Variants in TTC27 observed in about 807,000 individuals in gnomAD.
The protein encoded by TTC27 is tetratricopeptide repeat domain 27.
In TTC27, 79 loss-of-function variants were observed where a neutral mutation model predicts 115.9. The ratio of observed to expected loss-of-function variants is 0.68; its 90% CI spans 0.57 to 0.82. TTC27 has a LOEUF of 0.82. TTC27 is among the 40% of genes least tolerant of loss of function. The pLI is 0.00. For missense variants in TTC27, 1,054 were observed against 993.1 expected (o/e 1.06, Z -0.82); for synonymous variants, 401 against 356.0 (o/e 1.13, Z -1.42).
chr2:32,767,510 G>A (rs565719944), intron 13 of TTC27, among the ~76,000 whole-genome samples: 132 of 134,028 alleles, frequency 9.8e-4, no homozygotes, highest in African/African-American at 3.5e-3. Flanking sequence ...CAAGGACTGC[G>A]GACTGCAGTG....
Position 32,812,620 on chromosome 2 carries a change from T to A in TTC27, c.2308+5T>A, listed in dbSNP as rs767847595. ...GAGCCTTAGGACTTGCACATGGTAT[T>A]TGATGTAACATTTGATATCCATGGA... On this transcript the variant is annotated splice_donor_5th_base_variant and intron_variant, in intron 18 of 19. Transcript: ENST00000317907. 6.3e-7 allele frequency: 1 copy of A among 1,596,744 alleles called. No homozygotes were observed. The highest frequency in any genetic ancestry group is 1.7e-5 in the Admixed American group (1 of 59,966).
At chr2:32,809,328 C>T (rs1182573488) in intron 16 of TTC27, among the ~76,000 whole-genome samples, 1 of 152,180 alleles carries the variant, frequency 6.6e-6, no homozygotes, top group Non-Finnish European at 1.5e-5. Flanking sequence ...TTGCAATATG[C>T]CAGGCACTAT....
At chr2:32,744,436 A>C (rs1417649205) in intron 12 of TTC27, among the ~76,000 whole-genome samples, 1 of 152,208 alleles carries the variant, frequency 6.6e-6, no homozygotes, top group Non-Finnish European at 1.5e-5. Context: ...TAATGTTGAC[A>C]ACAGCAATTT....
At chr2:32,687,235 G>T (rs928124761) in intron 9 of TTC27, among the ~76,000 whole-genome samples, 1 of 152,172 alleles carries the variant, frequency 6.6e-6, no homozygotes, top group Non-Finnish European at 1.5e-5. Context: ...TTATGTGAAG[G>T]ATTACTCTAT....
intron 3 of TTC27, among the ~76,000 whole-genome samples, chr2:32,637,992 A>T (rs1224385172): frequency 1.3e-5 from 2 of 152,220 alleles, no homozygotes; most frequent in South Asian, 2.1e-4. Context: ...GAGGCTCTCC[A>T]AATGCTTAGC....
At chr2:32,752,446 C>G (rs1389674651) in intron 12 of TTC27, among the ~76,000 whole-genome samples, 2 of 152,152 alleles carry the variant, frequency 1.3e-5, no homozygotes, top group African/African-American at 4.8e-5. Flanking sequence ...TTTAGTCAAG[C>G]AGTTGAGCAA....
intron 5 of TTC27, among the ~76,000 whole-genome samples, chr2:32,663,319 A>C (rs919449951): frequency 6.6e-6 from 1 of 152,162 alleles, no homozygotes; most frequent in South Asian, 2.1e-4. Flanking sequence ...ACCCGAGGGA[A>C]TCTCCTGGCC....
rs183694256 is a variant in TTC27 at position 32,806,588 on chromosome 2, G to A, written c.1999-4436G>A. 3.9e-3 allele frequency among the ~76,000 whole-genome samples: 591 copies of A among 152,124 alleles called. 3 individuals are homozygous for A. The highest frequency in any genetic ancestry group is 0.014 in the African/African-American group (561 of 41,508). On this transcript the variant is annotated intron_variant, in intron 16 of 19. Coordinates refer to ENST00000317907, the MANE Select transcript of TTC27 (RefSeq NM_017735.5). Reference sequence around the variant, plus strand: ...GAGGTCAGGAGATCGAGACCATCCTGGCTAACACGGTGAAACCCCATCTCT... The same window carrying A: ...GAGGTCAGGAGATCGAGACCATCCTAGCTAACACGGTGAAACCCCATCTCT...
intron 4 of TTC27, among the ~76,000 whole-genome samples, chr2:32,646,677 C>T (rs1664875622): frequency 6.7e-6 from 1 of 149,962 alleles, no homozygotes; most frequent in Non-Finnish European, 1.5e-5. Context: ...CATTCTCCTG[C>T]CTCAGCCCCC....
At position 32,664,405 on chromosome 2, in the gene TTC27, G is replaced by A; in HGVS notation, c.743G>A (p.Arg248Lys). Residue 248 changes from arginine to lysine, a missense_variant, in exon 6 of 20, where the codon AGA becomes AAA. Coordinates refer to ENST00000317907, the MANE Select transcript of TTC27 (RefSeq NM_017735.5). The part of the protein sequence containing the change: ...AYVFLYYYEY[R>K]KAKDQLDIAK... ...GTGTTTTTATATTATTATGAGTACA[G>A]AAAAGCAAAAGATCAGTTGGATATT... 6.2e-7 allele frequency: 1 copy of A among 1,612,362 alleles called. No individual in the cohort carries two copies. Among genetic ancestry groups the A allele is most frequent in the Non-Finnish European group, 8.5e-7 (1 of 1,179,462 alleles).
chr2:32,732,659 C>G (rs1668327464), intron 10 of TTC27, among the ~76,000 whole-genome samples: 1 of 151,874 alleles, frequency 6.6e-6, no homozygotes, highest in Non-Finnish European at 1.5e-5. Flanking sequence ...TCCAAGTTAC[C>G]AAAAAGTTGC....
intron 9 of TTC27, among the ~76,000 whole-genome samples, chr2:32,695,885 CAA>C (rs1666969371): frequency 6.7e-6 from 1 of 150,082 alleles, no homozygotes; most frequent in Non-Finnish European, 1.5e-5. Flanking sequence ...GCCTGGGCAA[CAA>C]GAGTAAAACT....
intron 5 of TTC27, among the ~76,000 whole-genome samples, chr2:32,659,553 A>T (rs776582250): frequency 1.3e-5 from 2 of 152,040 alleles, no homozygotes; most frequent in Non-Finnish European, 2.9e-5. Flanking sequence ...TTATTTTATT[A>T]TACTTTAAGT....
At chr2:32,681,138 T>A (rs1254942038) in intron 9 of TTC27, among the ~76,000 whole-genome samples, 1 of 152,220 alleles carries the variant, frequency 6.6e-6, no homozygotes, top group Non-Finnish European at 1.5e-5. Flanking sequence ...GAAAGCTGTT[T>A]GATTACAATG....
chr2:32,803,188 C>T (rs1671014034), intron 16 of TTC27, among the ~76,000 whole-genome samples: 1 of 152,230 alleles, frequency 6.6e-6, no homozygotes, highest in Non-Finnish European at 1.5e-5. Context: ...CTAGACATTG[C>T]TCTTTTCCAA....
rs1288112083 is a variant in TTC27 at position 32,628,117 on chromosome 2, A to G, written c.-176A>G. On this transcript the variant is annotated 5_prime_UTR_variant, in exon 1 of 20. An upstream start codon of the reference 5' UTR is lost. Coordinates refer to ENST00000317907, the MANE Select transcript of TTC27 (RefSeq NM_017735.5). ...TCCCAGGGTGCCCCGCGCTGCTGTT[A>G]TGGCCGCCTCCTTGAGGTAGTATCC... The G allele has an allele frequency of 1.3e-5, 8 of 604,674 alleles. No individual in the cohort carries two copies. The highest frequency in any genetic ancestry group is 2.0e-5 in the Non-Finnish European group (7 of 346,452). 37.5% of individuals were successfully genotyped at this position (604,674 alleles called of 1,614,324 possible). A position where few individuals can be genotyped will look rare whatever the true frequency, so the allele number is the denominator to read the frequency against.
At chr2:32,704,782 G>C in intron 10 of TTC27, 1 of 449,366 alleles carries the variant, frequency 2.2e-6, no homozygotes, top group Non-Finnish European at 4.7e-6. Flanking sequence ...TTTGTCTGAT[G>C]TTTCCTCATG....
intron 5 of TTC27, among the ~76,000 whole-genome samples, chr2:32,662,942 CT>C (rs1376228911): frequency 6.6e-6 from 1 of 152,160 alleles, no homozygotes; most frequent in Non-Finnish European, 1.5e-5. Context: ...CTGAACACTG[CT>C]TTAGCTGTGT....
intron 5 of TTC27, among the ~76,000 whole-genome samples, chr2:32,662,290 G>T (rs543502763): frequency 6.6e-6 from 1 of 152,302 alleles, no homozygotes; most frequent in South Asian, 2.1e-4. Context: ...CATAAAATGA[G>T]TTAGGGAGGA....
Sources: gnomAD v4.1 joint callset for allele counts (sites outside exome capture counted in the v4.1 genomes callset) on GRCh38, gnomAD v4.1.1 for gene constraint, MANE v1.5 for transcripts, NCBI Gene and HGNC (gene_info 2026-07-23, HGNC 2026-07-21) for gene names.